Variants in SMYD3 observed in about 807,000 individuals in gnomAD.
SMYD3 encodes histone-lysine N-methyltransferase SMYD3.
SMYD3 carries 36 observed loss-of-function variants against 57.7 expected under a neutral mutation model. The ratio of observed to expected loss-of-function variants is 0.62; its 90% CI spans 0.48 to 0.82. The LOEUF is 0.82. Among genes scored for constraint, SMYD3 ranks in the 40% least tolerant of loss-of-function variants. The probability of loss-of-function intolerance (pLI) is 0.00; values close to 1 mark genes in which losing one functional copy is unlikely to be tolerated. For synonymous variants in SMYD3, 211 were observed against 195.0 expected (o/e 1.08, Z -0.68); for missense variants, 515 against 538.8 (o/e 0.96, Z 0.44).
At chr1:246,089,446 C>T (rs1196369955) in intron 5 of SMYD3, among the ~76,000 whole-genome samples, 4 of 152,094 alleles carry the variant, frequency 2.6e-5, no homozygotes, top group African/African-American at 2.4e-5. Context: ...ATTTTAGATG[C>T]AGTGAATTAT....
intron 1 of SMYD3, among the ~76,000 whole-genome samples, chr1:246,398,935 G>A (rs949884471): frequency 7.2e-5 from 11 of 152,050 alleles, no homozygotes; most frequent in African/African-American, 2.4e-4. Context: ...AGCGTAATTA[G>A]TCATACCATA....
chr1:246,343,170 T>C (rs2065658244), intron 2 of SMYD3, among the ~76,000 whole-genome samples: 1 of 152,120 alleles, frequency 6.6e-6, no homozygotes, highest in South Asian at 2.1e-4. Flanking sequence ...TAATGAGAGA[T>C]CATATGAAGA....
At chr1:246,388,194 T>TA (rs1389028137) in intron 1 of SMYD3, among the ~76,000 whole-genome samples, 1 of 25,804 alleles carries the variant, frequency 3.9e-5, no homozygotes, top group Non-Finnish European at 7.2e-5. Flanking sequence ...AGTCAGTTTC[T>TA]GGGGACCTCC....
At chr1:246,386,755 G>A (rs78795342) in intron 1 of SMYD3, among the ~76,000 whole-genome samples, 9,609 of 151,964 alleles carry the variant, frequency 0.063, 379 homozygotes, top group Admixed American at 0.12. Flanking sequence ...TAGACAATAT[G>A]ACAATGAGAG....
At chr1:246,177,490 CAT>C (rs1484613344) in intron 5 of SMYD3, among the ~76,000 whole-genome samples, 1 of 152,084 alleles carries the variant, frequency 6.6e-6, no homozygotes, top group African/African-American at 2.4e-5. Context: ...AAAGCACAAA[CAT>C]AAAATCAAGA....
At chr1:246,414,325 G>T (rs141298077) in intron 1 of SMYD3, among the ~76,000 whole-genome samples, 1 of 152,096 alleles carries the variant, frequency 6.6e-6, no homozygotes, top group African/African-American at 2.4e-5. Context: ...GATTTTTCTT[G>T]GAAAATATGA....
intron 5 of SMYD3, chr1:246,035,687 T>G (rs544080948): frequency 6.6e-6 from 1 of 152,368 alleles, no homozygotes; most frequent in Non-Finnish European, 1.5e-5. Context: ...CCTATTTTCC[T>G]GCTGCAAAGC....
At position 245,855,838 on chromosome 1, in the gene SMYD3, G is replaced by A. The variant is rs140532666; in HGVS notation, c.1076+2658C>T. Reference sequence around the variant, plus strand: ...GCAATTAAAATTTAGCCAAGGTCAGGAGTGACAAAATCATCAAGAAAGACT... The same window carrying A: ...GCAATTAAAATTTAGCCAAGGTCAGAAGTGACAAAATCATCAAGAAAGACT... On this transcript the variant is annotated intron_variant, in intron 10 of 11. Transcript: ENST00000490107. Among the ~76,000 whole-genome samples, 571 of 152,304 alleles carry A rather than the reference G, an allele frequency of 3.7e-3. 2 individuals carry two copies. Among genetic ancestry groups the A allele is most frequent in the Middle Eastern group, 0.01 (3 of 294 alleles).
At chr1:246,298,687 C>T (rs963124907) in intron 5 of SMYD3, among the ~76,000 whole-genome samples, 1 of 151,954 alleles carries the variant, frequency 6.6e-6, no homozygotes, top group Non-Finnish European at 1.5e-5. Flanking sequence ...CAAGAATATG[C>T]AACACTCCCT....
intron 5 of SMYD3, among the ~76,000 whole-genome samples, chr1:246,010,232 C>T (rs1040890563): frequency 1.3e-5 from 2 of 151,958 alleles, no homozygotes; most frequent in South Asian, 2.1e-4. Context: ...AATACAGAAT[C>T]GTATGCTCTG....
intron 5 of SMYD3, among the ~76,000 whole-genome samples, chr1:246,140,018 G>A (rs1039327287): frequency 2.0e-5 from 3 of 152,140 alleles, no homozygotes; most frequent in Non-Finnish European, 4.4e-5. Flanking sequence ...TCATGTATTG[G>A]TTGATCGAAG....
intron 9 of SMYD3, among the ~76,000 whole-genome samples, chr1:245,860,737 G>C (rs1572533079): frequency 6.6e-6 from 1 of 152,242 alleles, no homozygotes; most frequent in Admixed American, 6.5e-5. Flanking sequence ...GAGGTTGGGG[G>C]AAGCAGTATC....
At chr1:246,437,229 T>C (rs1192606634) in intron 1 of SMYD3, among the ~76,000 whole-genome samples, 1 of 152,172 alleles carries the variant, frequency 6.6e-6, no homozygotes, top group Non-Finnish European at 1.5e-5. Context: ...CAAAGAATGC[T>C]TTCTCAGGAA....
intron 1 of SMYD3, among the ~76,000 whole-genome samples, chr1:246,440,418 G>A (rs1311820957): frequency 6.6e-6 from 1 of 152,134 alleles, no homozygotes; most frequent in Non-Finnish European, 1.5e-5. Flanking sequence ...AGCCTGTGAG[G>A]AAGATATCGT....
intron 5 of SMYD3, among the ~76,000 whole-genome samples, chr1:246,247,517 T>TATAC (rs1246849132): frequency 4.0e-5 from 6 of 149,564 alleles, no homozygotes; most frequent in South Asian, 4.2e-4. Context: ...TATATATATA[T>TATAC]ACACACGAGT....
chr1:246,468,477 C>A (rs1306336470), intron 1 of SMYD3, among the ~76,000 whole-genome samples: 3 of 151,796 alleles, frequency 2.0e-5, no homozygotes, highest in Admixed American at 1.3e-4. Context: ...CCCATCTCCA[C>A]AAAATATACA....
At chr1:245,973,012 C>T (rs1183302549) in intron 5 of SMYD3, among the ~76,000 whole-genome samples, 1 of 152,188 alleles carries the variant, frequency 6.6e-6, no homozygotes, top group Admixed American at 6.5e-5. Flanking sequence ...TAAATGATGT[C>T]ATTGCTGCTG....
intron 5 of SMYD3, among the ~76,000 whole-genome samples, chr1:246,060,181 A>G (rs6698425): frequency 0.28 from 41,902 of 151,918 alleles, 6,295 homozygotes; most frequent in East Asian, 0.39. Flanking sequence ...CCAGCTACTT[A>G]GGAGGCTGAG....
chr1:246,475,884 G>T (rs1385889110), intron 1 of SMYD3, among the ~76,000 whole-genome samples: 1 of 152,088 alleles, frequency 6.6e-6, no homozygotes, highest in Admixed American at 6.6e-5. Flanking sequence ...AAAAGTGCTA[G>T]TATTACAGGC....
Sources: gnomAD v4.1 joint callset for allele counts (sites outside exome capture counted in the v4.1 genomes callset) on GRCh38, gnomAD v4.1.1 for gene constraint, MANE v1.5 for transcripts, NCBI Gene and HGNC (gene_info 2026-07-23, HGNC 2026-07-21) for gene names.